The following UMAD1 variants were observed in gnomAD, a reference collection of about 807,000 sequenced individuals.
The protein encoded by UMAD1 is UBAP1-MVB12-associated (UMA) domain containing 1, also known as UBAP1-MVB12-associated (UMA)-domain containing protein 1.
Under a neutral mutation model 6.1 loss-of-function variants are expected in UMAD1, and 8 were observed. The ratio of observed to expected loss-of-function variants is 1.30; its 90% CI spans 0.76 to 2.35. UMAD1 has a LOEUF of 2.35. Ranked by LOEUF, UMAD1 falls within the 30% of genes most tolerant of loss-of-function variation. UMAD1 has a pLI of 0.00. For synonymous variants in UMAD1, 56 were observed against 31.4 expected (o/e 1.78, Z -2.61); for missense variants, 130 against 78.4 (o/e 1.66, Z -2.49).
intron 2 of UMAD1, among the ~76,000 whole-genome samples, chr7:7,777,711 G>C (rs1475117513): frequency 6.6e-6 from 1 of 151,338 alleles, no homozygotes. Context: ...AAAATATTTA[G>C]CATCCTTTTG....
intron 3 of UMAD1, among the ~76,000 whole-genome samples, chr7:7,839,611 G>A (rs1783637833): frequency 6.6e-6 from 1 of 152,152 alleles, no homozygotes; most frequent in Non-Finnish European, 1.5e-5. Context: ...TAGCATGTTC[G>A]AATGCTAATA....
intron 2 of UMAD1, among the ~76,000 whole-genome samples, chr7:7,732,709 A>G (rs976974938): frequency 6.6e-6 from 1 of 152,184 alleles, no homozygotes; most frequent in South Asian, 2.1e-4. Context: ...TGTGGTCTGG[A>G]TGAATACACA....
chr7:7,805,975 C>T (rs1244661421), intron 3 of UMAD1, among the ~76,000 whole-genome samples: 1 of 152,218 alleles, frequency 6.6e-6, no homozygotes, highest in Non-Finnish European at 1.5e-5. Context: ...GTCTGGTACA[C>T]AGAAGTTACC....
At chr7:7,856,841 CT>C (rs1221918438) in intron 3 of UMAD1, among the ~76,000 whole-genome samples, 3 of 152,112 alleles carry the variant, frequency 2.0e-5, no homozygotes, top group Non-Finnish European at 4.4e-5. Flanking sequence ...AACAAATTAA[CT>C]TTTGGGTATA....
chr7:7,818,604 G>A (rs917662795), intron 3 of UMAD1, among the ~76,000 whole-genome samples: 3 of 150,766 alleles, frequency 2.0e-5, no homozygotes, highest in Non-Finnish European at 3.0e-5. Context: ...AAAGACAGTG[G>A]TGATTCCTCA....
chr7:7,710,839 G>A (rs767305984), intron 2 of UMAD1, among the ~76,000 whole-genome samples: 4 of 152,060 alleles, frequency 2.6e-5, no homozygotes, highest in Non-Finnish European at 5.9e-5. Context: ...TCTATATCAT[G>A]GAATAATACT....
At chr7:7,692,681 C>G (rs866375238) in intron 2 of UMAD1, among the ~76,000 whole-genome samples, 27 of 152,170 alleles carry the variant, frequency 1.8e-4, no homozygotes, top group Middle Eastern at 3.2e-3. Context: ...GTGATCTCAG[C>G]TCACTGCAAC....
chr7:7,866,559 A>G (rs890818548), intron 3 of UMAD1, among the ~76,000 whole-genome samples: 1 of 152,232 alleles, frequency 6.6e-6, no homozygotes, highest in African/African-American at 2.4e-5. Flanking sequence ...CAAGGCTCAG[A>G]ACTAAAGAGA....
At chr7:7,679,736 A>G (rs970603322) in intron 2 of UMAD1, among the ~76,000 whole-genome samples, 11 of 146,486 alleles carry the variant, frequency 7.5e-5, no homozygotes, top group African/African-American at 2.2e-4. Context: ...ATATATACAC[A>G]CACACATATT....
intron 2 of UMAD1, among the ~76,000 whole-genome samples, chr7:7,692,170 C>G (rs1051206831): frequency 2.0e-5 from 3 of 152,212 alleles, no homozygotes; most frequent in African/African-American, 7.2e-5. Context: ...TCTTCCCTTA[C>G]TCTGGAAAGC....
chr7:7,825,042 A>T (rs1423852305), intron 3 of UMAD1, among the ~76,000 whole-genome samples: 1 of 152,114 alleles, frequency 6.6e-6, no homozygotes, highest in Non-Finnish European at 1.5e-5. Flanking sequence ...TGCCTTTGGC[A>T]CACTTTCCAT....
At chr7:7,748,317 T>G (rs1426814544) in intron 2 of UMAD1, among the ~76,000 whole-genome samples, 1 of 151,550 alleles carries the variant, frequency 6.6e-6, no homozygotes, top group African/African-American at 2.4e-5. Context: ...GTCATAAAAT[T>G]ATAATATAAT....
chr7:7,713,998 C>T (rs1780829994), intron 2 of UMAD1, among the ~76,000 whole-genome samples: 1 of 152,102 alleles, frequency 6.6e-6, no homozygotes, highest in Admixed American at 6.6e-5. Flanking sequence ...CCACACCTGC[C>T]CCACACGTTT....
Position 7,877,826 on chromosome 7 carries a change from T to G in UMAD1, c.*288T>G. On this transcript the variant is annotated 3_prime_UTR_variant, in exon 4 of 4. Coordinates refer to ENST00000682710, the MANE Select transcript of UMAD1 (RefSeq NM_001302348.2). ...AGATGGTCTCTCAAAATATAACACC[T>G]CAAATTTATCTTAGAAGAACTGTGA... 3.1e-6 allele frequency: 1 copy of G among 325,126 alleles called. No homozygotes were observed. The highest frequency in any genetic ancestry group is 5.7e-6 in the Non-Finnish European group (1 of 176,534). The allele number at this position is 325,126 out of a possible 1,614,324, so 20.1% of individuals were successfully genotyped here.
chr7:7,832,954 G>A (rs1382682236), intron 3 of UMAD1, among the ~76,000 whole-genome samples: 2 of 152,104 alleles, frequency 1.3e-5, no homozygotes, highest in Non-Finnish European at 2.9e-5. Flanking sequence ...TGGAAATGAG[G>A]GAAAGTGTTT....
intron 2 of UMAD1, among the ~76,000 whole-genome samples, chr7:7,756,219 T>C (rs941823090): frequency 4.6e-5 from 7 of 152,140 alleles, no homozygotes; most frequent in African/African-American, 1.7e-4. Context: ...CCACCCCAGT[T>C]TGGAGTTATC....
In UMAD1 at chr7:7,675,229, G is replaced by C. The variant is rs535766850; in HGVS notation, c.82+1776G>C. Among the ~76,000 whole-genome samples, 10 of 152,286 alleles carry C rather than the reference G, an allele frequency of 6.6e-5. No homozygotes were observed. The East Asian group carries it at 1.4e-3, about 21-fold the overall frequency. On this transcript the variant is annotated intron_variant, in intron 2 of 3. Coordinates refer to ENST00000682710, the MANE Select transcript of UMAD1 (RefSeq NM_001302348.2). Reference sequence around the variant, plus strand: ...CTTTTTGTTATCAAATAGCCATTTAGAGGCTGTAAGTTGGGTGTACTGGCA... The same window carrying C: ...CTTTTTGTTATCAAATAGCCATTTACAGGCTGTAAGTTGGGTGTACTGGCA...
At chr7:7,672,536 T>A (rs944630661) in intron 1 of UMAD1, among the ~76,000 whole-genome samples, 2 of 152,210 alleles carry the variant, frequency 1.3e-5, no homozygotes, top group African/African-American at 4.8e-5. Flanking sequence ...AATGCCCATG[T>A]GTCGAGGGCA....
intron 2 of UMAD1, chr7:7,742,555 G>A (rs534988811): frequency 1.7e-5 from 9 of 519,718 alleles, no homozygotes; most frequent in South Asian, 1.0e-4. Context: ...CTTCGCTTTC[G>A]GCGCCATCTT....
Sources: allele counts gnomAD v4.1 joint callset (sites outside exome capture counted in the v4.1 genomes callset), GRCh38; gene constraint gnomAD v4.1.1; transcripts MANE v1.5; gene names NCBI Gene and HGNC (gene_info 2026-07-23, HGNC 2026-07-21).